Variants in TRIM9 observed in about 807,000 individuals in gnomAD.
The protein encoded by TRIM9 is E3 ubiquitin-protein ligase TRIM9.
Under a neutral mutation model 78.3 loss-of-function variants are expected in TRIM9, and 26 were observed. The observed-to-expected ratio is 0.33, with a 90% CI of 0.24 to 0.46. The LOEUF (loss-of-function observed/expected upper bound fraction) is 0.46, where lower values mean the gene tolerates loss of function less well. Among genes scored for constraint, TRIM9 ranks in the 20% least tolerant of loss-of-function variants. The pLI, the probability that TRIM9 is intolerant of heterozygous loss-of-function variation, is 1.00. For missense variants in TRIM9, 787 were observed against 1,036.4 expected (o/e 0.76, Z 3.30); for synonymous variants, 398 against 416.5 (o/e 0.96, Z 0.54).
intron 3 of TRIM9, among the ~76,000 whole-genome samples, chr14:51,014,254 A>G (rs1158859014): frequency 6.6e-6 from 1 of 152,188 alleles, no homozygotes; most frequent in Non-Finnish European, 1.5e-5. Context: ...TGAAGGAGCT[A>G]TCTGAGTGCT....
intron 1 of TRIM9, among the ~76,000 whole-genome samples, chr14:51,085,774 T>C (rs1449088268): frequency 6.6e-6 from 1 of 152,230 alleles, no homozygotes; most frequent in Non-Finnish European, 1.5e-5. Flanking sequence ...AATCTACTTA[T>C]TAGTTTATGG....
At chr14:50,993,321 C>T (rs1244889749) in intron 7 of TRIM9, among the ~76,000 whole-genome samples, 1 of 151,932 alleles carries the variant, frequency 6.6e-6, no homozygotes, top group African/African-American at 2.4e-5. Context: ...GAAATGATGG[C>T]CACTCCCACA....
chr14:51,051,042 G>T (rs966727110), intron 1 of TRIM9, among the ~76,000 whole-genome samples: 1 of 152,196 alleles, frequency 6.6e-6, no homozygotes, highest in Admixed American at 6.5e-5. Flanking sequence ...TAGTTATTAA[G>T]TGTCTGAGAT....
intron 4 of TRIM9, among the ~76,000 whole-genome samples, chr14:51,010,136 AAAAAG>A (rs1239113542): frequency 4.7e-5 from 7 of 149,196 alleles, no homozygotes; most frequent in Non-Finnish European, 7.4e-5. Context: ...AAGCGAAAAA[AAAAAG>A]AAAAAGAAAA....
intron 11 of TRIM9, among the ~76,000 whole-genome samples, chr14:50,980,951 T>C (rs17796080): frequency 0.26 from 39,724 of 151,918 alleles, 6,013 homozygotes; most frequent in Non-Finnish European, 0.35. Flanking sequence ...CTGACTTGCT[T>C]TCCCTTTGAT....
chr14:50,983,324 G>T, intron 9 of TRIM9, 56 bp downstream of exon 9: 1 of 1,389,560 alleles, frequency 7.2e-7, no homozygotes, highest in South Asian at 1.4e-5. Flanking sequence ...ATTTTGTGAA[G>T]GAAATTGAGC....
intron 1 of TRIM9, among the ~76,000 whole-genome samples, chr14:51,029,231 TACAG>T (rs1241861391): frequency 1.3e-5 from 2 of 152,170 alleles, no homozygotes; most frequent in Admixed American, 6.5e-5. Context: ...GATCTGAAGT[TACAG>T]GCACAGGATG....
At position 51,094,432 on chromosome 14, in the gene TRIM9, G is replaced by C; in HGVS notation, c.508C>G (p.Leu170Val). Residue 170 changes from leucine to valine, a missense_variant, in exon 1 of 13, where the codon CTC becomes GTC. Leu to Val is a conservative substitution (Grantham distance 32, BLOSUM62 1). Transcript: ENST00000684578. The stretch of plus-strand genomic sequence containing the variant: ...GCTTCCTTGGGCGCCTTCTCGCAGA[G>C]CTGGCACTTGAGGGCCGCGGCTTTG... The part of the protein sequence containing the change: ...QSKAAALKCQ[L>V]CEKAPKEATV... The C allele has an allele frequency of 6.2e-7, 1 of 1,613,958 alleles. No homozygotes were observed.
At chr14:51,011,053 G>A (rs67426903) in intron 3 of TRIM9, among the ~76,000 whole-genome samples, 14,768 of 152,230 alleles carry the variant, frequency 0.097, 784 homozygotes, top group Middle Eastern at 0.17. Context: ...GAAGGCCAAG[G>A]TGGAGCTTGG....
At chr14:50,999,887 G>A (rs528917770) in intron 6 of TRIM9, among the ~76,000 whole-genome samples, 2 of 152,312 alleles carry the variant, frequency 1.3e-5, no homozygotes, top group East Asian at 3.9e-4. Context: ...CCGGCAGGTG[G>A]TGGCACATGA....
At chr14:51,081,832 A>G (rs908087830) in intron 1 of TRIM9, among the ~76,000 whole-genome samples, 1 of 152,218 alleles carries the variant, frequency 6.6e-6, no homozygotes, top group Non-Finnish European at 1.5e-5. Context: ...GGAGTAAGGT[A>G]CTAGGGGAAG....
Position 51,058,968 on chromosome 14 carries a change from C to A in TRIM9, c.823-33608G>T, listed in dbSNP as rs8006878. On this transcript the variant is annotated intron_variant, in intron 1 of 12. Transcript: ENST00000684578. ...GGACTATAGAAGGAAAGAAGGGTTG[C>A]GGAATCTTGGGCTGACTACACAGTT... Among the ~76,000 whole-genome samples, 3 of 151,976 alleles carry A rather than the reference C, an allele frequency of 2.0e-5. No homozygotes were observed. In the South Asian group the frequency reaches 6.2e-4, roughly 32 times the overall value.
chr14:51,076,719 C>T (rs534512780), intron 1 of TRIM9, among the ~76,000 whole-genome samples: 1 of 152,206 alleles, frequency 6.6e-6, no homozygotes, highest in Admixed American at 6.5e-5. Context: ...ATCTTCGCAA[C>T]AGTCCTTGGT....
intron 7 of TRIM9, chr14:50,995,917 T>A (rs907285140): frequency 5.1e-5 from 10 of 197,092 alleles, no homozygotes; most frequent in Admixed American, 1.3e-4. Context: ...GAGATAATTA[T>A]TTGATCCTAT....
chr14:51,059,659 G>A (rs77674758), intron 1 of TRIM9, among the ~76,000 whole-genome samples: 5 of 151,990 alleles, frequency 3.3e-5, no homozygotes, highest in South Asian at 4.1e-4. Flanking sequence ...TTAGCCGGGC[G>A]TGGTGGCACA....
chr14:51,041,216 T>C (rs760815933), intron 1 of TRIM9, among the ~76,000 whole-genome samples: 1 of 152,260 alleles, frequency 6.6e-6, no homozygotes, highest in Non-Finnish European at 1.5e-5. Flanking sequence ...AATCTAAGAT[T>C]TGACTCCCAT....
rs549968909 is a variant in TRIM9 at position 51,084,472 on chromosome 14, A to T, written c.822+9646T>A. On this transcript the variant is annotated intron_variant, in intron 1 of 12. Transcript: ENST00000684578. Reference sequence around the variant, plus strand: ...TAAACATCATTCAGCTTCATACTGCATTGATTATGTGCTGAAAGCTGTTTA... The same window carrying T: ...TAAACATCATTCAGCTTCATACTGCTTTGATTATGTGCTGAAAGCTGTTTA... 3.7e-4 allele frequency among the ~76,000 whole-genome samples: 57 copies of T among 152,282 alleles called. 1 individual carries two copies. In the South Asian group the frequency reaches 0.012, roughly 32 times the overall value.
intron 6 of TRIM9, among the ~76,000 whole-genome samples, chr14:50,999,886 G>A (rs1475522557): frequency 6.6e-6 from 1 of 152,164 alleles, no homozygotes; most frequent in African/African-American, 2.4e-5. Context: ...GCCGGCAGGT[G>A]GTGGCACATG....
intron 8 of TRIM9, among the ~76,000 whole-genome samples, chr14:50,984,568 T>G (rs2052444672): frequency 6.6e-6 from 1 of 152,226 alleles, no homozygotes; most frequent in Non-Finnish European, 1.5e-5. Context: ...CCTGGAGTTT[T>G]AAAACCGACT....
Sources: allele counts gnomAD v4.1 joint callset (sites outside exome capture counted in the v4.1 genomes callset), GRCh38; gene constraint gnomAD v4.1.1; transcripts MANE v1.5; gene names NCBI Gene and HGNC (gene_info 2026-07-23, HGNC 2026-07-21).